Variants in SNX29 observed in about 807,000 individuals in gnomAD.
SNX29 encodes sorting nexin-29.
Under a neutral mutation model 102.1 loss-of-function variants are expected in SNX29, and 78 were observed. The observed-to-expected ratio is 0.76, with a 90% CI of 0.64 to 0.92. The LOEUF (loss-of-function observed/expected upper bound fraction) is 0.92. Ranked by LOEUF, SNX29 falls within the 40% of genes least tolerant of loss-of-function variation. The probability of loss-of-function intolerance (pLI) is 0.00; values close to 1 mark genes in which losing one functional copy is unlikely to be tolerated. For missense variants in SNX29, 1,280 were observed against 1,061.7 expected, an observed-to-expected ratio of 1.21 and a Z score of -2.86; for synonymous variants, 580 against 414.5, an observed-to-expected ratio of 1.40 and a Z score of -4.85.
At chr16:12,011,463 CG>C (rs2056652908) in intron 3 of SNX29, among the ~76,000 whole-genome samples, 1 of 151,786 alleles carries the variant, frequency 6.6e-6, no homozygotes. Flanking sequence ...TTAGTAGAGA[CG>C]GGGTTTAACC....
intron 9 of SNX29, among the ~76,000 whole-genome samples, chr16:12,066,232 G>C (rs1009575060): frequency 3.9e-5 from 6 of 152,202 alleles, no homozygotes; most frequent in Admixed American, 3.9e-4. Context: ...AAGGATGACA[G>C]GGAACTGGGG....
At chr16:12,002,015 A>T (rs1180701028) in intron 2 of SNX29, among the ~76,000 whole-genome samples, 2 of 147,366 alleles carry the variant, frequency 1.4e-5, no homozygotes, top group Non-Finnish European at 3.0e-5. Context: ...GAGAGACCCT[A>T]TTTTTTTTTT....
intron 20 of SNX29, among the ~76,000 whole-genome samples, chr16:12,525,378 T>G (rs2076751430): frequency 6.6e-6 from 1 of 150,602 alleles, no homozygotes; most frequent in African/African-American, 2.4e-5. Context: ...ACTTAGAAAA[T>G]CATTACACTT....
chr16:12,330,261 C>T (rs1053477181), intron 15 of SNX29, among the ~76,000 whole-genome samples: 19 of 152,186 alleles, frequency 1.2e-4, no homozygotes, highest in African/African-American at 4.3e-4. Context: ...TGTTTCCTCA[C>T]CTGGCGACCA....
chr16:12,516,915 A>G (rs568668859), intron 19 of SNX29, among the ~76,000 whole-genome samples: 42 of 152,332 alleles, frequency 2.8e-4, no homozygotes, highest in African/African-American at 9.4e-4. Context: ...TGTTCACAGC[A>G]TTCCATCGTT....
intron 15 of SNX29, among the ~76,000 whole-genome samples, chr16:12,284,737 T>G (rs2079539944): frequency 6.6e-6 from 1 of 152,070 alleles, no homozygotes; most frequent in African/African-American, 2.4e-5. Context: ...TTTTTTTCTT[T>G]TTTTTGAGAC....
chr16:12,337,153 A>T (rs1488823682), intron 15 of SNX29, among the ~76,000 whole-genome samples: 2 of 152,194 alleles, frequency 1.3e-5, no homozygotes, highest in Non-Finnish European at 2.9e-5. Flanking sequence ...AAGGCCACCC[A>T]GCTGGCAGGT....
chr16:12,312,607 C>T (rs925869639), intron 15 of SNX29, among the ~76,000 whole-genome samples: 1 of 151,972 alleles, frequency 6.6e-6, no homozygotes, highest in Non-Finnish European at 1.5e-5. Flanking sequence ...TTCTTGGGAG[C>T]TTAAGATCTC....
chr16:12,561,930 G>A (rs564364264), intron 20 of SNX29, among the ~76,000 whole-genome samples: 1 of 152,132 alleles, frequency 6.6e-6, no homozygotes, highest in Non-Finnish European at 1.5e-5. Context: ...TTCCAGGTGA[G>A]CTTAGAGCCA....
intron 14 of SNX29, among the ~76,000 whole-genome samples, chr16:12,222,162 G>A (rs2077496230): frequency 6.6e-6 from 1 of 152,224 alleles, no homozygotes; most frequent in Admixed American, 6.5e-5. Context: ...CAGAAACACA[G>A]AGAGCTTAAG....
chr16:12,319,921 C>G (rs780967806), intron 15 of SNX29, among the ~76,000 whole-genome samples: 5 of 152,172 alleles, frequency 3.3e-5, no homozygotes, highest in Non-Finnish European at 7.4e-5. Context: ...TGGCAGGTTT[C>G]TTCAGCCTCC....
At chr16:12,464,229 C>CGTGT (rs138917966) in intron 18 of SNX29, among the ~76,000 whole-genome samples, 8 of 141,048 alleles carry the variant, frequency 5.7e-5, no homozygotes, top group East Asian at 4.2e-4. Flanking sequence ...TATTCCATGG[C>CGTGT]GTGTGTGTGT....
intron 19 of SNX29, among the ~76,000 whole-genome samples, chr16:12,510,347 A>G (rs2089559265): frequency 6.6e-6 from 1 of 152,074 alleles, no homozygotes; most frequent in Non-Finnish European, 1.5e-5. Context: ...GATGAGAGAG[A>G]GTCAGGGACA....
intron 14 of SNX29, among the ~76,000 whole-genome samples, chr16:12,245,094 T>G (rs957684918): frequency 6.6e-6 from 1 of 152,174 alleles, no homozygotes; most frequent in African/African-American, 2.4e-5. Flanking sequence ...TAACAAAAAT[T>G]ACTCCTAAAT....
intron 20 of SNX29, among the ~76,000 whole-genome samples, chr16:12,530,061 G>T (rs918527140): frequency 1.3e-5 from 2 of 152,162 alleles, no homozygotes; most frequent in African/African-American, 2.4e-5. Flanking sequence ...TCCCAGTTCG[G>T]CACCGTTCCA....
rs905556511 is a variant in SNX29, at chr16:12,572,958, C to G, written c.*4329C>G. The G allele has an allele frequency of 6.2e-6, 4 of 644,420 alleles. No individual in the cohort carries two copies. The East Asian group carries it at 1.7e-4, about 27-fold the overall frequency. The allele number at this position is 644,420 out of a possible 1,614,324, so 39.9% of individuals were successfully genotyped here. On this transcript the variant is annotated 3_prime_UTR_variant, in exon 21 of 21. Transcript: ENST00000566228. ...GCAGGCATCTGCTTATGAGCAAGGTCAAAGATTTTTCAAAATATTGTGCAT... is the reference window on the plus strand; with the variant it reads ...GCAGGCATCTGCTTATGAGCAAGGTGAAAGATTTTTCAAAATATTGTGCAT...
At chr16:12,477,347 T>G (rs2087703729) in intron 18 of SNX29, among the ~76,000 whole-genome samples, 1 of 152,148 alleles carries the variant, frequency 6.6e-6, no homozygotes, top group South Asian at 2.1e-4. Context: ...GTTTTACAGA[T>G]GAGGAAACAA....
intron 15 of SNX29, among the ~76,000 whole-genome samples, chr16:12,289,412 A>T (rs963309877): frequency 6.6e-6 from 1 of 152,144 alleles, no homozygotes; most frequent in African/African-American, 2.4e-5. Context: ...TTGCGCCCCT[A>T]GCCTTCTAGT....
intron 11 of SNX29, among the ~76,000 whole-genome samples, chr16:12,120,390 A>C (rs1293585545): frequency 6.6e-6 from 1 of 152,230 alleles, no homozygotes; most frequent in African/African-American, 2.4e-5. Flanking sequence ...TATTGCACAG[A>C]TCTATGTATA....
Sources: gnomAD v4.1 joint callset for allele counts (sites outside exome capture counted in the v4.1 genomes callset) on GRCh38, gnomAD v4.1.1 for gene constraint, MANE v1.5 for transcripts, NCBI Gene and HGNC (gene_info 2026-07-23, HGNC 2026-07-21) for gene names.